The following GDF6 variants were observed in gnomAD, a reference collection of about 807,000 sequenced individuals.
The protein encoded by GDF6 is growth/differentiation factor 6.
In GDF6, 3 loss-of-function variants were observed where a neutral mutation model predicts 32.4. The observed-to-expected ratio is 0.09, with a 90% CI of 0.04 to 0.24. The LOEUF (loss-of-function observed/expected upper bound fraction) is 0.24. Among genes scored for constraint, GDF6 ranks in the 10% least tolerant of loss-of-function variants. The pLI is 1.00. For synonymous variants in GDF6, 296 were observed against 295.3 expected (o/e 1.00, Z -0.03); for missense variants, 589 against 637.9 (o/e 0.92, Z 0.83).
At chr8:96,153,701 A>T (rs1188901932) in intron 1 of GDF6, among the ~76,000 whole-genome samples, 1 of 152,150 alleles carries the variant, frequency 6.6e-6, no homozygotes. Flanking sequence ...TGTTCATTTT[A>T]TGTGACTTCC....
At chr8:96,151,536 A>G (rs1812568931) in intron 1 of GDF6, among the ~76,000 whole-genome samples, 1 of 152,152 alleles carries the variant, frequency 6.6e-6, no homozygotes, top group Non-Finnish European at 1.5e-5. Context: ...AAACTCTTCC[A>G]TGCTGCCCAT....
chr8:96,159,531 G>A (rs1334932859), intron 1 of GDF6, among the ~76,000 whole-genome samples: 1 of 152,180 alleles, frequency 6.6e-6, no homozygotes, highest in East Asian at 1.9e-4. Context: ...TGAGAAAGGT[G>A]GATGGGCATA....
rs755403035 is a variant in GDF6, at chr8:96,160,506, C to T, written c.187G>A (p.Glu63Lys). 1 of 1,613,096 alleles carries T rather than the reference C, an allele frequency of 6.2e-7. No homozygotes were observed. The highest frequency in any genetic ancestry group is 8.5e-7 in the Non-Finnish European group (1 of 1,179,558). The part of the protein sequence containing the change: ...RAPRDSDAGR[E>K]GQEPQPRPQD... ...GGCCGCGGCTGTGGTTCCTGGCCCT[C>T]CCGGCCCGCGTCACTGTCGCGCGGC... The change falls in exon 1 of 2, where the codon GAG becomes AAG. Residue 63 changes from glutamate to lysine, a missense_variant. Physicochemically the swap from Glu to Lys is moderately conservative, Grantham distance 56 (BLOSUM62 1). This residue lies in a region of GDF6 where 436 missense variants were observed against 411.2 expected (regional missense o/e 1.06). Transcript: ENST00000287020.
Position 96,145,187 on chromosome 8 carries a change from G to T in GDF6, c.744C>A (p.Arg248=). ...GCGGCGGTTGCTGGGGTCCCCGCGC[G>T]CGCGCCTCGGCCTCCCCGGCGTCCA... is the stretch of plus-strand genomic sequence containing the variant. ...GELDAGEAEA[R]ARGPQQPPPP... Residue 248 remains arginine (R), a synonymous_variant, in exon 2 of 2, where the codon CGC becomes CGA. Coordinates refer to ENST00000287020, the MANE Select transcript of GDF6 (RefSeq NM_001001557.4). The surrounding 1 kb of genome is among the most constrained non-coding windows in gnomAD (Gnocchi z 5.6). 2 of 1,496,198 alleles carry T rather than the reference G, an allele frequency of 1.3e-6. No individual in the cohort carries two copies. Among genetic ancestry groups the T allele is most frequent in the Non-Finnish European group, 1.8e-6 (2 of 1,130,480 alleles). The allele number at this position is 1,496,198 out of a possible 1,614,324, so 92.7% of individuals were successfully genotyped here.
At chr8:96,146,164 T>C (rs929279499) in intron 1 of GDF6, among the ~76,000 whole-genome samples, 8 of 152,178 alleles carry the variant, frequency 5.3e-5, no homozygotes, top group Non-Finnish European at 1.2e-4. Context: ...GGGCGGTTCC[T>C]GACCTGGAGC....
chr8:96,158,111 C>T (rs1024359743), intron 1 of GDF6, among the ~76,000 whole-genome samples: 1 of 152,154 alleles, frequency 6.6e-6, no homozygotes, highest in African/African-American at 2.4e-5. Context: ...AGATGCTGTC[C>T]GGGTGGTCAT....
At chr8:96,159,199 G>A (rs116484508) in intron 1 of GDF6, among the ~76,000 whole-genome samples, 6 of 152,142 alleles carry the variant, frequency 3.9e-5, no homozygotes, top group Non-Finnish European at 2.9e-5. Context: ...CTTTTATCCC[G>A]TCATTTTCTT....
Position 96,145,917 on chromosome 8 carries a change from T to G in GDF6, c.407-393A>C, listed in dbSNP as rs1332606109. Among the ~76,000 whole-genome samples the G allele has an allele frequency of 1.3e-5, 2 of 152,194 alleles. No homozygotes were observed. Among genetic ancestry groups the G allele is most frequent in the African/African-American group, 4.8e-5 (2 of 41,452 alleles). ...GGGCTGGCTCGTTCTCGTTGACGTC[T>G]CAAATGTCACCTCCTCCAAGTAGCC... On this transcript the variant is annotated intron_variant, in intron 1 of 1. Coordinates refer to ENST00000287020, the MANE Select transcript of GDF6 (RefSeq NM_001001557.4). The surrounding 1 kb of genome is among the most constrained non-coding windows in gnomAD (Gnocchi z 5.6).
intron 1 of GDF6, among the ~76,000 whole-genome samples, chr8:96,150,647 G>C (rs1049993928): frequency 2.0e-5 from 3 of 152,250 alleles, no homozygotes; most frequent in Admixed American, 1.3e-4. Context: ...GACAGATGTT[G>C]AAGGTCCTAA....
In GDF6 at chr8:96,143,479, G is replaced by T. The variant is rs77181285; in HGVS notation, c.*1084C>A. ...CCTGATGGGACTCCTTCTACTTCTT[G>T]GTTCCTTTTCCCTCCTTTGTAGCTC... is the stretch of plus-strand genomic sequence containing the variant. On this transcript the variant is annotated 3_prime_UTR_variant, in exon 2 of 2. Transcript: ENST00000287020. The T allele has an allele frequency of 0.022, 3,285 of 152,772 alleles. 61 individuals carry two copies. Among genetic ancestry groups the T allele is most frequent in the Middle Eastern group, 0.087 (26 of 298 alleles). The allele number at this position is 152,772 out of a possible 1,614,324, so 9.5% of individuals were successfully genotyped here. A position where few individuals can be genotyped will look rare whatever the true frequency, so the allele number is the denominator to read the frequency against.
In GDF6 at chr8:96,160,354, G is replaced by A. The variant is rs768986192; in HGVS notation, c.339C>T (p.Ile113=). ...TGGAAGACTGGAAAAAGCTGGCATTGATGCCCAGCTTCTCAGCGATGGAGT... is the reference window on the plus strand; with the variant it reads ...TGGAAGACTGGAAAAAGCTGGCATTAATGCCCAGCTTCTCAGCGATGGAGT... ...RTYSIAEKLG[I]NASFFQSSKS... Residue 113 remains isoleucine, a synonymous_variant, in exon 1 of 2, where the codon ATC becomes ATT. Coordinates refer to ENST00000287020, the MANE Select transcript of GDF6 (RefSeq NM_001001557.4). The A allele has an allele frequency of 3.1e-6, 5 of 1,614,172 alleles. No homozygotes were observed. In the East Asian group the frequency reaches 1.1e-4, roughly 36 times the overall value.
At position 96,154,692 on chromosome 8, in the gene GDF6, C is replaced by A. The variant is rs192856547; in HGVS notation, c.406+5595G>T. ...AATGGCTTTCCTTTTACTTAAAAGC[C>A]CCCAGGGATTACTGTTGATTTGCTC... On this transcript the variant is annotated intron_variant, in intron 1 of 1. Coordinates refer to ENST00000287020, the MANE Select transcript of GDF6 (RefSeq NM_001001557.4). Among the ~76,000 whole-genome samples, 225 of 152,252 alleles carry A rather than the reference C, an allele frequency of 1.5e-3. 1 individual carries two copies. Among genetic ancestry groups the A allele is most frequent in the African/African-American group, 5.1e-3 (212 of 41,536 alleles).
intron 1 of GDF6, among the ~76,000 whole-genome samples, chr8:96,154,619 G>A (rs1240937683): frequency 6.6e-6 from 1 of 152,170 alleles, no homozygotes; most frequent in South Asian, 2.1e-4. Context: ...CTGGTCCAAA[G>A]AGTGTCGTTT....
In GDF6 at chr8:96,145,506, G is replaced by C. The variant is rs764057334; in HGVS notation, c.425C>G (p.Pro142Arg). Residue 142 changes from proline to arginine, a missense_variant, in exon 2 of 2, where the codon CCT becomes CGT. Physicochemically the swap from Pro to Arg is moderately radical, Grantham distance 103. Transcript: ENST00000287020. The surrounding 1 kb of genome is among the most constrained non-coding windows in gnomAD (Gnocchi z 5.6). Reference sequence around the variant, plus strand: ...AAACAAATACTTCTGTCTCCGGAGAGGAGTGTGCGAGAGATCGTCTGCGAG... The same window carrying C: ...AAACAAATACTTCTGTCTCCGGAGACGAGTGTGCGAGAGATCGTCTGCGAG... ...DRGLDDLSHT[P>R]LRRQKYLFDV... 12 of 1,597,840 alleles carry C rather than the reference G, an allele frequency of 7.5e-6. No homozygotes were observed. Among genetic ancestry groups the C allele is most frequent in the Non-Finnish European group, 6.8e-6 (8 of 1,179,642 alleles).
chr8:96,155,046 C>T (rs1812636246), intron 1 of GDF6, among the ~76,000 whole-genome samples: 1 of 152,178 alleles, frequency 6.6e-6, no homozygotes, highest in Admixed American at 6.5e-5. Flanking sequence ...GAGGGATTCG[C>T]CAGGCCTGTC....
intron 1 of GDF6, among the ~76,000 whole-genome samples, chr8:96,146,962 C>T (rs997703794): frequency 1.3e-5 from 2 of 152,166 alleles, no homozygotes; most frequent in African/African-American, 4.8e-5. Context: ...ATGTGCAAGG[C>T]GGAAAGCTAA....
Position 96,144,867 on chromosome 8 carries a change from C to A in GDF6, c.1064G>T (p.Ser355Ile). ...RHGKKSRLRC[S>I]KKPLHVNFKE... ...GAAGTTCACGTGCAGGGGCTTCTTGCTGCAGCGTAGCCTGGACTTCTTGCC... is the reference window on the plus strand; with the variant it reads ...GAAGTTCACGTGCAGGGGCTTCTTGATGCAGCGTAGCCTGGACTTCTTGCC... The change falls in exon 2 of 2, where the codon AGC (serine) becomes ATC (isoleucine). Residue 355 changes from serine to isoleucine, a missense_variant. Ser to Ile is a moderately radical substitution (Grantham distance 142). Around this residue, in one of 2 missense-constraint regions of GDF6, gnomAD observed 153 missense variants for 226.7 expected, o/e 0.67. Coordinates refer to ENST00000287020, the MANE Select transcript of GDF6 (RefSeq NM_001001557.4). This position sits in a 1 kb window ranked among gnomAD's most constrained non-coding sequence, Gnocchi z 5.1. 6.2e-7 allele frequency: 1 copy of A among 1,613,932 alleles called. No homozygotes were observed. Among genetic ancestry groups the A allele is most frequent in the Non-Finnish European group, 8.5e-7 (1 of 1,179,934 alleles).
At chr8:96,157,144 G>A (rs912724965) in intron 1 of GDF6, among the ~76,000 whole-genome samples, 9 of 152,176 alleles carry the variant, frequency 5.9e-5, no homozygotes, top group Admixed American at 1.3e-4. Flanking sequence ...TCAATAAATC[G>A]TGGTTACTAT....
rs773483807 is a variant in GDF6, at chr8:96,160,428, C to A, written c.265G>T (p.Gly89Cys). The change falls in exon 1 of 2, where the codon GGT becomes TGT. Residue 89 changes from glycine (G) to cysteine (C), a missense_variant. By Grantham distance (159) the Gly-to-Cys change is radical. Coordinates refer to ENST00000287020, the MANE Select transcript of GDF6 (RefSeq NM_001001557.4). The part of the protein sequence containing the change: ...QPRAQEPPGR[G>C]PRVVPHEYML... ...TACTCGTGGGGCACCACGCGCGGACCCCTGCCTGGCGGCTCCTGCGCCCGG... is the reference window on the plus strand; with the variant it reads ...TACTCGTGGGGCACCACGCGCGGACACCTGCCTGGCGGCTCCTGCGCCCGG... 6.2e-7 allele frequency: 1 copy of A among 1,613,984 alleles called. No individual in the cohort carries two copies. Among genetic ancestry groups the A allele is most frequent in the Admixed American group, 1.7e-5 (1 of 60,032 alleles).
Sources: gnomAD v4.1 joint callset for allele counts (sites outside exome capture counted in the v4.1 genomes callset) on GRCh38, gnomAD v4.1.1 for gene constraint, gnomAD v4.1.1 regional missense constraint, Gnocchi (gnomAD v3.1) non-coding constraint, MANE v1.5 for transcripts, NCBI Gene and HGNC (gene_info 2026-07-23, HGNC 2026-07-21) for gene names.